The following WDR45 variants were observed in gnomAD, a reference collection of about 807,000 sequenced individuals.
WDR45 encodes WD repeat domain 45.
In WDR45, 2 loss-of-function variants were observed where a neutral mutation model predicts 27.3. The observed-to-expected ratio is 0.07, with a 90% confidence interval of 0.03 to 0.23. The LOEUF (loss-of-function observed/expected upper bound fraction) is 0.23. Ranked by LOEUF, WDR45 falls within the 10% of genes least tolerant of loss-of-function variation. WDR45 has a pLI of 1.00. For missense variants in WDR45, 175 were observed against 311.9 expected, an observed-to-expected ratio of 0.56 and a Z score of 3.31; for synonymous variants, 99 against 119.2, an observed-to-expected ratio of 0.83 and a Z score of 1.11.
At chrX:49,094,405 G>T (rs781855450) in intron 2 of WDR45, among the ~76,000 whole-genome samples, 1 of 110,464 alleles carries the variant, frequency 9.1e-6, no homozygotes, top group East Asian at 2.9e-4. Context: ...GGAGTTTGAG[G>T]TTGCAGTGAG....
chrX:49,095,026 G>T (rs938318471), intron 2 of WDR45, among the ~76,000 whole-genome samples: 1 of 109,009 alleles, frequency 9.2e-6, no homozygotes, highest in Non-Finnish European at 1.9e-5. Flanking sequence ...GACCTCAGGT[G>T]ATCTGCCTGC....
upstream of WDR45, among the ~76,000 whole-genome samples, chrX:49,084,522 G>T (rs2065080203): frequency 9.1e-6 from 1 of 109,976 alleles, no homozygotes; most frequent in Non-Finnish European, 1.9e-5. Flanking sequence ...GTCTCTACAA[G>T]AAAAAAGGTG....
chrX:49,097,773 C>T (rs1431479668), intron 2 of WDR45, among the ~76,000 whole-genome samples: 3 of 108,861 alleles, frequency 2.8e-5, no homozygotes, highest in South Asian at 4.0e-4. Flanking sequence ...TCTCCTGTCT[C>T]GGCCTCCAGA....
At chrX:49,083,338 T>TTTC (rs1347565386), upstream of WDR45, among the ~76,000 whole-genome samples, 1 of 102,589 alleles carries the variant, frequency 9.7e-6, no homozygotes, top group African/African-American at 3.6e-5. Flanking sequence ...TTTTTTTTTT[T>TTTC]CTCCATCTCT....
intron 1 of WDR45, among the ~76,000 whole-genome samples, chrX:49,078,515 C>T (rs2147818213): frequency 9.0e-6 from 1 of 111,726 alleles, no homozygotes; most frequent in Admixed American, 9.4e-5. Context: ...GAGCGAGACT[C>T]CGTCTCGGGG....
chrX:49,083,878 C>T (rs1392317393), upstream of WDR45, among the ~76,000 whole-genome samples: 3 of 89,303 alleles, frequency 3.4e-5, no homozygotes, highest in Admixed American at 1.4e-4. Flanking sequence ...ACCCGGGAGG[C>T]GGAGGTTGCA....
At position 49,074,695 on chromosome X, in the gene WDR45, C is replaced by T; in HGVS notation, c.*108G>A. 2 of 609,234 alleles carry T rather than the reference C, an allele frequency of 3.3e-6. No homozygotes were observed. Among genetic ancestry groups the T allele is most frequent in the Non-Finnish European group, 5.4e-6 (2 of 367,365 alleles). 50.2% of individuals were successfully genotyped at this position (609,234 alleles called of 1,213,427 possible). A position where few individuals can be genotyped will look rare whatever the true frequency, so the allele number is the denominator to read the frequency against. On this transcript the variant is annotated 3_prime_UTR_variant, in exon 11 of 11. Transcript: ENST00000376372. Reference sequence around the variant, plus strand: ...AGCTCTGCTGAGTGGAAAGTGGGCACCAGCCCCATTAATGCTTGCTGGCTG... The same window carrying T: ...AGCTCTGCTGAGTGGAAAGTGGGCATCAGCCCCATTAATGCTTGCTGGCTG...
chrX:49,076,795 AG>A, intron 4 of WDR45, 45 bp from the exon 5 acceptor site: 1 of 1,079,214 alleles, frequency 9.3e-7, no homozygotes, highest in South Asian at 1.9e-5. Flanking sequence ...GTTTAGGGTA[AG>A]GGGCAGCCCT....
chrX:49,082,424 T>C (rs1557085307), upstream of WDR45, among the ~76,000 whole-genome samples: 1 of 111,354 alleles, frequency 9.0e-6, no homozygotes, highest in African/African-American at 3.3e-5. Context: ...CATGTATATA[T>C]TTACTTGTGA....
At position 49,098,077 on chromosome X, in the gene WDR45, G is replaced by A. The variant is rs182765850; in HGVS notation, c.-18+2128C>T. Among the ~76,000 whole-genome samples, 309 of 112,119 alleles carry A rather than the reference G, an allele frequency of 2.8e-3. 1 individual carries two copies. Among genetic ancestry groups the A allele is most frequent in the African/African-American group, 9.4e-3 (290 of 30,924 alleles). On this transcript the variant is annotated intron_variant, in intron 2 of 11. Coordinates refer to the WDR45 transcript ENST00000356463. ...AGTGATCCTCCCACATCAGCCTCCT[G>A]AGTAGCTGGGACCACAAGTGTGTAC...
chrX:49,098,427 C>T (rs781957866), intron 2 of WDR45, among the ~76,000 whole-genome samples: 53 of 104,708 alleles, frequency 5.1e-4, no homozygotes, highest in Admixed American at 1.5e-3. Flanking sequence ...ACCTGGGAGG[C>T]GGAGGTTGCA....
chrX:49,086,163 GT>G (rs782355741), intron 2 of WDR45, among the ~76,000 whole-genome samples: 139 of 111,259 alleles, frequency 1.2e-3, no homozygotes, highest in African/African-American at 4.3e-3. Context: ...CCAAGAGAAG[GT>G]TATTTGAGAT....
Position 49,075,719 on chromosome X carries a change from G to A in WDR45, c.551C>T (p.Ala184Val). The part of the protein sequence containing the change: ...LASTKPGTSS[A>V]PFTINAHQSD... ...CTGATGTGCATTGATCGTGAATGGA[G>A]CAGACGAGGTGCCAGGCTTTGTGCT... The change falls in exon 8 of 11, where the codon GCT (alanine) becomes GTT (valine). Residue 184 changes from alanine (A) to valine (V), a missense_variant. Physicochemically the swap from Ala to Val is moderately conservative, Grantham distance 64. Around this residue, in one of 3 missense-constraint regions of WDR45, gnomAD observed 102 missense variants for 165.4 expected, o/e 0.62. Transcript: ENST00000376372. The A allele has an allele frequency of 8.3e-7, 1 of 1,209,887 alleles. No individual in the cohort carries two copies. Among genetic ancestry groups the A allele is most frequent in the South Asian group, 1.8e-5 (1 of 56,629 alleles).
chrX:49,093,932 C>T (rs1248605760), intron 2 of WDR45, among the ~76,000 whole-genome samples: 1 of 109,713 alleles, frequency 9.1e-6, no homozygotes, highest in Non-Finnish European at 1.9e-5. Context: ...ACCTCCACCT[C>T]CTGGGTTCAA....
In WDR45 at chrX:49,077,761, A is replaced by G. The variant is rs1175373364; in HGVS notation, c.131-14T>C. 8.3e-7 allele frequency: 1 copy of G among 1,199,118 alleles called. No homozygotes were observed. Among genetic ancestry groups the G allele is most frequent in the African/African-American group, 1.8e-5 (1 of 57,028 alleles). On this transcript the variant is annotated splice_polypyrimidine_tract_variant and intron_variant, in intron 3 of 10. Coordinates refer to ENST00000376372, the MANE Select transcript of WDR45 (RefSeq NM_001029896.2). ...CCTGCTCGTGGTCTGGACAGGGACC[A>G]GGGTGTCAGTGGAGGTGGGAGCCAA...
At chrX:49,081,008 C>T (rs1420751254), upstream of WDR45, among the ~76,000 whole-genome samples, 2 of 101,199 alleles carry the variant, frequency 2.0e-5, no homozygotes, top group African/African-American at 7.2e-5. Flanking sequence ...AGGGATTCTT[C>T]TGCCTCAGCC....
chrX:49,080,641 C>T (rs185842247), upstream of WDR45, among the ~76,000 whole-genome samples: 1 of 110,341 alleles, frequency 9.1e-6, no homozygotes, highest in African/African-American at 3.3e-5. Context: ...CGGGGTTTCA[C>T]CATGTTGGTC....
chrX:49,091,846 A>C (rs2065107840), intron 2 of WDR45, among the ~76,000 whole-genome samples: 1 of 105,523 alleles, frequency 9.5e-6, no homozygotes, highest in Admixed American at 1.0e-4. Flanking sequence ...AAAAGGCAAA[A>C]TATGCCAGGC....
rs1020115244 is a variant in WDR45 at position 49,089,326 on chromosome X, G to C, written c.-18+10879C>G. Among the ~76,000 whole-genome samples, 6 of 109,295 alleles carry C rather than the reference G, an allele frequency of 5.5e-5. No homozygotes were observed. The South Asian group carries it at 2.0e-3, about 37-fold the overall frequency. 94.9% of individuals were successfully genotyped at this position (109,295 alleles called of 115,157 possible). ...ACTAGAAAGCATAGCCCATACACAG[G>C]AAAGAAAAAAAGAAGAAAAAAACCG... On this transcript the variant is annotated intron_variant, in intron 2 of 11. Coordinates refer to the WDR45 transcript ENST00000356463.
Sources: gnomAD v4.1 joint callset for allele counts (sites outside exome capture counted in the v4.1 genomes callset) on GRCh38, gnomAD v4.1.1 for gene constraint, gnomAD v4.1.1 regional missense constraint, MANE v1.5 for transcripts, NCBI Gene and HGNC (gene_info 2026-07-23, HGNC 2026-07-21) for gene names.